The following SH3BP2 variants were observed in gnomAD, a reference collection of about 807,000 sequenced individuals.
SH3BP2 encodes the protein SH3 domain-binding protein 2.
In SH3BP2, 38 loss-of-function variants were observed where a neutral mutation model predicts 56.2. The observed-to-expected ratio is 0.68, with a 90% CI of 0.52 to 0.89. The LOEUF is 0.89. Ranked by LOEUF, SH3BP2 falls within the 40% of genes least tolerant of loss-of-function variation. The pLI, the probability that SH3BP2 is intolerant of heterozygous loss-of-function variation, is 0.00. For synonymous variants in SH3BP2, 346 were observed against 316.7 expected (o/e 1.09, Z -0.98); for missense variants, 748 against 762.6 (o/e 0.98, Z 0.23).
chr4:2,836,498 G>A lies in SH3BP2; in HGVS notation c.*2664G>A, dbSNP rs890054406. 6.6e-6 allele frequency: 1 copy of A among 152,258 alleles called. No homozygotes were observed. The highest frequency in any genetic ancestry group is 1.5e-5 in the Non-Finnish European group (1 of 68,078). The allele number at this position is 152,258 out of a possible 1,614,324, so 9.4% of individuals were successfully genotyped here. A position where few individuals can be genotyped will look rare whatever the true frequency, so the allele number is the denominator to read the frequency against. Reference sequence around the variant, plus strand: ...GGTGAGAGAACCAAGTCTCACAGAGGCCTGGGTTCAAGTCCCACCTCTGCC... The same window carrying A: ...GGTGAGAGAACCAAGTCTCACAGAGACCTGGGTTCAAGTCCCACCTCTGCC... On this transcript the variant is annotated 3_prime_UTR_variant, in exon 13 of 13. Coordinates refer to ENST00000503393, the MANE Select transcript of SH3BP2 (RefSeq NM_001122681.2).
intron 1 of SH3BP2, chr4:2,809,726 C>G (rs571519658): frequency 4.3e-6 from 4 of 925,860 alleles, no homozygotes; most frequent in South Asian, 1.0e-4. Context: ...TACTCCTGAG[C>G]GGGCTGAAGG....
chr4:2,818,177 C>G (rs1234673319), intron 1 of SH3BP2: 39 of 984,070 alleles, frequency 4.0e-5, no homozygotes, highest in Non-Finnish European at 4.5e-5. Flanking sequence ...CCCAGTCCCC[C>G]GCCGAGAGGG....
chr4:2,804,823 G>T (rs1316824584), intron 1 of SH3BP2, among the ~76,000 whole-genome samples: 1 of 152,258 alleles, frequency 6.6e-6, no homozygotes, highest in Admixed American at 6.5e-5. Context: ...GTGTTGTAGG[G>T]GTGGGCCAGG....
At position 2,806,218 on chromosome 4, in the gene SH3BP2, G is replaced by C. The variant is rs538302664; in HGVS notation, c.-5+13080G>C. ...CGGCCCTCTCTGGTGGGAGCCACTG[G>C]GTGGGGCAGGACTGCCGCCCCTCTC... is the stretch of plus-strand genomic sequence containing the variant. On this transcript the variant is annotated intron_variant, in intron 1 of 12. Coordinates refer to ENST00000503393, the MANE Select transcript of SH3BP2 (RefSeq NM_001122681.2). Among the ~76,000 whole-genome samples, 5 of 152,212 alleles carry C rather than the reference G, an allele frequency of 3.3e-5. No individual in the cohort carries two copies. The East Asian group carries it at 9.7e-4, about 30-fold the overall frequency.
intron 4 of SH3BP2, 143 bp from the exon 5 acceptor site, chr4:2,824,983 C>G (rs945088001): frequency 1.3e-6 from 1 of 790,502 alleles, no homozygotes; most frequent in African/African-American, 1.7e-5. Context: ...CTGAGGGGAG[C>G]CACACAGCCA....
At chr4:2,830,836 G>A (rs1282471399) in intron 8 of SH3BP2, among the ~76,000 whole-genome samples, 1 of 152,216 alleles carries the variant, frequency 6.6e-6, no homozygotes, top group Non-Finnish European at 1.5e-5. Flanking sequence ...GCATGGGTGT[G>A]CTGGCCGGCA....
At position 2,825,476 on chromosome 4, in the gene SH3BP2, GCGCA is replaced by G. The variant is rs776986949; in HGVS notation, c.428+282_428+285del. Among the ~76,000 whole-genome samples the G allele has an allele frequency of 2.6e-3, 364 of 141,694 alleles. 2 individuals are homozygous for G. Among genetic ancestry groups the G allele is most frequent in the Middle Eastern group, 0.011 (3 of 278 alleles). The allele number at this position is 141,694 out of a possible 152,430, so 93.0% of individuals were successfully genotyped here. On this transcript the variant is annotated intron_variant, in intron 5 of 12. Coordinates refer to ENST00000503393, the MANE Select transcript of SH3BP2 (RefSeq NM_001122681.2). Reference sequence around the variant, plus strand: ...CACACACAGAGCAACACGTGGACATGCGCACACACACAGAGCAACACGTGGACAT... The same window carrying G: ...CACACACAGAGCAACACGTGGACATGCACACACAGAGCAACACGTGGACAT...
Position 2,810,351 on chromosome 4 carries a change from T to C in SH3BP2, c.-4-10263T>C, listed in dbSNP as rs972129205. On this transcript the variant is annotated intron_variant, in intron 1 of 12. Coordinates refer to ENST00000503393, the MANE Select transcript of SH3BP2 (RefSeq NM_001122681.2). This position sits in a 1 kb window ranked among gnomAD's most constrained non-coding sequence, Gnocchi z 4.2. The stretch of plus-strand genomic sequence containing the variant: ...GCATCACAGCATTGGACCAGGGCTG[T>C]GGGGGGAATGGGCCTGGGCCAGGGT... 1.3e-5 allele frequency among the ~76,000 whole-genome samples: 2 copies of C among 151,210 alleles called. No homozygotes were observed. The highest frequency in any genetic ancestry group is 2.9e-5 in the Non-Finnish European group (2 of 67,828).
rs772825922 is a variant in SH3BP2 at position 2,824,813 on chromosome 4, G to C, written c.357+83G>C. The C allele has an allele frequency of 6.0e-5, 65 of 1,076,832 alleles. 2 individuals carry two copies. The South Asian group carries it at 8.1e-4, about 13-fold the overall frequency. The allele number at this position is 1,076,832 out of a possible 1,614,324, so 66.7% of individuals were successfully genotyped here. A position where few individuals can be genotyped will look rare whatever the true frequency, so the allele number is the denominator to read the frequency against. On this transcript the variant is annotated intron_variant, in intron 4 of 12. Transcript: ENST00000503393. ...CAGGCTGGACCTGCCTTGGGGGCTC[G>C]CTGGTCCTGGGGCGCTGGCCTCTCA...
In SH3BP2 at chr4:2,827,212, A is replaced by G. The variant is rs747225696; in HGVS notation, c.429-18A>G. 6 of 1,612,504 alleles carry G rather than the reference A, an allele frequency of 3.7e-6. No homozygotes were observed. The highest frequency in any genetic ancestry group is 2.7e-5 in the African/African-American group (2 of 74,984). The stretch of plus-strand genomic sequence containing the variant: ...GGCCTGGTGCTCACCGTCCGCCCCA[A>G]CGCACCCTGCATTGCAGCGACTCCA... On this transcript the variant is annotated intron_variant, in intron 5 of 12. Transcript: ENST00000503393.
At chr4:2,793,842 G>C (rs556909027) in intron 1 of SH3BP2, 1 of 152,464 alleles carries the variant, frequency 6.6e-6, no homozygotes, top group Non-Finnish European at 1.5e-5. Context: ...GGAGTTAGGG[G>C]GCGGGGACAG....
intron 8 of SH3BP2, 73 bp downstream of exon 8, chr4:2,830,220 T>C (rs1004848036): frequency 2.1e-6 from 3 of 1,403,944 alleles, no homozygotes; most frequent in African/African-American, 2.9e-5. Flanking sequence ...ACGGGCACTC[T>C]GCCCACCTCG....
chr4:2,824,083 C>T (rs1724457924), intron 3 of SH3BP2, among the ~76,000 whole-genome samples: 1 of 152,218 alleles, frequency 6.6e-6, no homozygotes, highest in South Asian at 2.1e-4. Flanking sequence ...TTTGGCCAGG[C>T]TCTTATGGGC....
In SH3BP2 at chr4:2,827,627, A is replaced by G; in HGVS notation, c.539A>G (p.Asp180Gly). ...DNEDYEHDDEDDSYLEPDSPE... is the reference protein window; with the variant it reads ...DNEDYEHDDEGDSYLEPDSPE... ...GCAGACTATGAGCACGACGATGAGG[A>G]TGACTCCTACCTGGAGCCTGACTCC... is the stretch of plus-strand genomic sequence containing the variant. Residue 180 changes from aspartate (D) to glycine (G), a missense_variant, in exon 7 of 13, where the codon GAT becomes GGT. By Grantham distance (94) the Asp-to-Gly change is moderately conservative. Coordinates refer to ENST00000503393, the MANE Select transcript of SH3BP2 (RefSeq NM_001122681.2). 6.6e-7 allele frequency: 1 copy of G among 1,505,490 alleles called. No homozygotes were observed. 93.3% of individuals were successfully genotyped at this position (1,505,490 alleles called of 1,614,324 possible).
chr4:2,833,321 G>A (rs758264593), intron 12 of SH3BP2: 26 of 582,572 alleles, frequency 4.5e-5, no homozygotes, highest in East Asian at 3.2e-4. Context: ...TTCTTTTTGC[G>A]GGGACAGGGG....
chr4:2,807,843 T>C (rs1232465954), intron 1 of SH3BP2, among the ~76,000 whole-genome samples: 2 of 152,072 alleles, frequency 1.3e-5, no homozygotes, highest in Non-Finnish European at 2.9e-5. Context: ...TGGTGGACCC[T>C]GTGTGCAGGA....
chr4:2,797,813 C>T (rs549925298), intron 1 of SH3BP2, among the ~76,000 whole-genome samples: 6 of 152,270 alleles, frequency 3.9e-5, no homozygotes, highest in East Asian at 3.9e-4. Context: ...AGGGGAGTGC[C>T]GGCTCTCCCA....
At chr4:2,818,674 G>T in intron 1 of SH3BP2, 1 of 995,018 alleles carries the variant, frequency 1.0e-6, no homozygotes, top group African/African-American at 1.7e-5. Context: ...GGCCGGGCGC[G>T]GTTGGGCGGG....
Position 2,830,061 on chromosome 4 carries a change from T to C in SH3BP2, c.1155T>C (p.Pro385=). The C allele has an allele frequency of 1.2e-6, 2 of 1,611,658 alleles. No individual in the cohort carries two copies. The change falls in exon 8 of 13, where the codon CCT becomes CCC. Residue 385 remains proline (P), a synonymous_variant. Transcript: ENST00000503393. ...TTGTGCCCCCCGTGGCTCCCCGGCCTCCTGCGCTGAAGCTGCCAGTGCCTG... is the reference window on the plus strand; with the variant it reads ...TTGTGCCCCCCGTGGCTCCCCGGCCCCCTGCGCTGAAGCTGCCAGTGCCTG... ...GLFVPPVAPR[P]PALKLPVPEA...
Sources: gnomAD v4.1 joint callset for allele counts (sites outside exome capture counted in the v4.1 genomes callset) on GRCh38, gnomAD v4.1.1 for gene constraint, Gnocchi (gnomAD v3.1) non-coding constraint, MANE v1.5 for transcripts, NCBI Gene and HGNC (gene_info 2026-07-23, HGNC 2026-07-21) for gene names.